The following SEMA5B variants were observed in gnomAD, a reference collection of about 807,000 sequenced individuals.
SEMA5B encodes the protein semaphorin-5B.
In SEMA5B, 66 loss-of-function variants were observed where a neutral mutation model predicts 135.0. The ratio of observed to expected loss-of-function variants is 0.49; its 90% CI spans 0.40 to 0.60. The LOEUF is 0.60. Ranked by LOEUF, SEMA5B falls within the 20% of genes least tolerant of loss-of-function variation. SEMA5B has a pLI of 0.00. For synonymous variants in SEMA5B, 690 were observed against 639.5 expected, an observed-to-expected ratio of 1.08 and a Z score of -1.19; for missense variants, 1,501 against 1,566.3, an observed-to-expected ratio of 0.96 and a Z score of 0.70.
At chr3:123,017,743 T>C (rs1017608822) in intron 1 of SEMA5B, among the ~76,000 whole-genome samples, 5 of 151,918 alleles carry the variant, frequency 3.3e-5, no homozygotes, top group Admixed American at 3.3e-4. Context: ...CCTCATCTCT[T>C]CTAAAAATAC....
intron 1 of SEMA5B, among the ~76,000 whole-genome samples, chr3:123,012,467 C>T (rs1025462820): frequency 2.6e-5 from 4 of 152,146 alleles, no homozygotes; most frequent in Admixed American, 2.6e-4. Context: ...AGGCATGGCC[C>T]CTCCGTCCCT....
chr3:123,000,388 T>C (rs569239176), intron 1 of SEMA5B, among the ~76,000 whole-genome samples: 1 of 152,216 alleles, frequency 6.6e-6, no homozygotes, highest in Admixed American at 6.5e-5. Flanking sequence ...CCAGTCATCA[T>C]GAGGCAAGTG....
At chr3:123,018,332 G>A (rs923359612) in intron 1 of SEMA5B, among the ~76,000 whole-genome samples, 1 of 152,250 alleles carries the variant, frequency 6.6e-6, no homozygotes, top group Admixed American at 6.5e-5. Flanking sequence ...CCGAGCTGAA[G>A]AGTATGTTTT....
chr3:122,980,582 C>A (rs761672768), intron 1 of SEMA5B, among the ~76,000 whole-genome samples: 16 of 152,124 alleles, frequency 1.1e-4, no homozygotes, highest in Non-Finnish European at 1.9e-4. Flanking sequence ...GCCAATCATT[C>A]TGGCCAGCCG....
intron 2 of SEMA5B, among the ~76,000 whole-genome samples, chr3:122,960,815 G>A (rs1019968159): frequency 2.0e-5 from 3 of 152,172 alleles, no homozygotes; most frequent in African/African-American, 4.8e-5. Context: ...TGCCTGGGGC[G>A]GGAGGAAGCC....
At chr3:122,947,235 T>C (rs1939828175) in intron 3 of SEMA5B, among the ~76,000 whole-genome samples, 1 of 152,094 alleles carries the variant, frequency 6.6e-6, no homozygotes, top group African/African-American at 2.4e-5. Context: ...GTGCACGAGT[T>C]TTGCAGGCTT....
chr3:122,978,669 C>G (rs1167141749), intron 1 of SEMA5B, among the ~76,000 whole-genome samples: 2 of 152,064 alleles, frequency 1.3e-5, no homozygotes, highest in East Asian at 3.9e-4. Context: ...GGAGCAGACC[C>G]CTCCGCTGGG....
intron 12 of SEMA5B, among the ~76,000 whole-genome samples, chr3:122,920,728 G>A (rs950736433): frequency 6.6e-6 from 1 of 152,162 alleles, no homozygotes; most frequent in Non-Finnish European, 1.5e-5. Flanking sequence ...GGAGCCCCAG[G>A]TGTGTCTGGT....
chr3:123,012,886 G>T (rs1211638099), intron 1 of SEMA5B, among the ~76,000 whole-genome samples: 1 of 152,224 alleles, frequency 6.6e-6, no homozygotes, highest in Non-Finnish European at 1.5e-5. Context: ...GATGGAGGGA[G>T]TGGAGAGAAC....
intron 1 of SEMA5B, among the ~76,000 whole-genome samples, chr3:123,024,100 C>A (rs1363877392): frequency 6.6e-6 from 1 of 152,184 alleles, no homozygotes; most frequent in Non-Finnish European, 1.5e-5. Flanking sequence ...TCCATTCTAC[C>A]ACCTCAGTCA....
chr3:122,919,710 A>AT (rs1188104174), intron 12 of SEMA5B, among the ~76,000 whole-genome samples: 1 of 151,948 alleles, frequency 6.6e-6, no homozygotes, highest in Non-Finnish European at 1.5e-5. Context: ...TAATCTAGCC[A>AT]TTTTTCTAAT....
At chr3:122,990,628 C>CAT (rs1158000063) in intron 1 of SEMA5B, among the ~76,000 whole-genome samples, 1 of 152,200 alleles carries the variant, frequency 6.6e-6, no homozygotes, top group African/African-American at 2.4e-5. Flanking sequence ...CACACACACA[C>CAT]ACAACCACAC....
At chr3:122,963,492 C>CAAA (rs71136598) in intron 1 of SEMA5B, among the ~76,000 whole-genome samples, 1,676 of 121,702 alleles carry the variant, frequency 0.014, 14 homozygotes, top group East Asian at 0.024. Flanking sequence ...GTCTCTGACT[C>CAAA]AAAAAAAAAA....
chr3:122,972,329 C>T (rs1257542356), intron 1 of SEMA5B, among the ~76,000 whole-genome samples: 2 of 152,070 alleles, frequency 1.3e-5, no homozygotes, highest in Non-Finnish European at 2.9e-5. Context: ...TAAATCAGTG[C>T]AACTCCAAGC....
intron 1 of SEMA5B, among the ~76,000 whole-genome samples, chr3:122,987,219 G>GA (rs969339050): frequency 1.6e-4 from 25 of 152,256 alleles, no homozygotes; most frequent in South Asian, 2.1e-4. Flanking sequence ...CCTGGGAAGG[G>GA]AAAAATGCAG....
At chr3:122,996,333 G>A (rs1014455437) in intron 1 of SEMA5B, among the ~76,000 whole-genome samples, 15 of 152,370 alleles carry the variant, frequency 9.8e-5, no homozygotes, top group African/African-American at 3.1e-4. Context: ...CCAGATGGAC[G>A]TCCCTGCCTT....
rs754816671 is a variant in SEMA5B, at chr3:122,913,965, C to T, written c.2025G>A (p.Leu675=). Residue 675 remains leucine (L), a synonymous_variant, in exon 15 of 23, where the codon CTG becomes CTA. Coordinates refer to ENST00000357599, the MANE Select transcript of SEMA5B (RefSeq NM_001031702.4). ...AGCCGATGCCACAGGACGTGCTGCA[C>T]AGCGCCCACGATGACCACGGGGTCC... is the stretch of plus-strand genomic sequence containing the variant. ...GAWTPWSSWA[L]CSTSCGIGFQ... 84 of 1,610,368 alleles carry T rather than the reference C, an allele frequency of 5.2e-5. No individual in the cohort carries two copies. The highest frequency in any genetic ancestry group is 7.0e-5 in the Non-Finnish European group (82 of 1,178,930).
At chr3:122,997,637 A>ATGCT (rs1342492959) in intron 1 of SEMA5B, among the ~76,000 whole-genome samples, 1 of 152,128 alleles carries the variant, frequency 6.6e-6, no homozygotes, top group Non-Finnish European at 1.5e-5. Context: ...ACCCAGACAA[A>ATGCT]TGCTTGCTCC....
intron 1 of SEMA5B, among the ~76,000 whole-genome samples, chr3:123,011,766 G>A (rs1472880441): frequency 6.6e-6 from 1 of 152,218 alleles, no homozygotes; most frequent in African/African-American, 2.4e-5. Context: ...GCTAGAGAGA[G>A]GAGGAGGCCA....
Sources: gnomAD v4.1 joint callset for allele counts (sites outside exome capture counted in the v4.1 genomes callset) on GRCh38, gnomAD v4.1.1 for gene constraint, MANE v1.5 for transcripts, NCBI Gene and HGNC (gene_info 2026-07-23, HGNC 2026-07-21) for gene names.